Variants in XKR9 observed in about 807,000 individuals in gnomAD.
The protein encoded by XKR9 is XK-related protein 9.
XKR9 carries 32 observed loss-of-function variants against 32.0 expected under a neutral mutation model. The ratio of observed to expected loss-of-function variants is 1.00; its 90% CI spans 0.76 to 1.34. The LOEUF is 1.34. XKR9 is among the 40% of genes most tolerant of loss of function. XKR9 has a pLI of 0.00. For synonymous variants in XKR9, 168 were observed against 143.4 expected, an observed-to-expected ratio of 1.17 and a Z score of -1.22; for missense variants, 546 against 429.7, an observed-to-expected ratio of 1.27 and a Z score of -2.39.
the XKR9 span, among the ~76,000 whole-genome samples, chr8:70,935,208 TACAC>T: frequency 4.8e-5 from 7 of 145,478 alleles, no homozygotes; most frequent in East Asian, 2.0e-4. Flanking sequence ...TATACATATA[TACAC>T]ACACACACAC....
intron 2 of XKR9, among the ~76,000 whole-genome samples, chr8:70,747,543 A>G (rs993978374): frequency 5.3e-5 from 8 of 152,138 alleles, no homozygotes; most frequent in Non-Finnish European, 8.8e-5. Context: ...TGCTGCAGAG[A>G]GTTCCCACCA....
In XKR9 at chr8:70,734,265, C is replaced by T. The variant is rs1475186936; in HGVS notation, c.963C>T (p.Ile321=). 2.5e-6 allele frequency: 4 copies of T among 1,612,376 alleles called. No individual in the cohort carries two copies. The highest frequency in any genetic ancestry group is 3.4e-6 in the Non-Finnish European group (4 of 1,179,058). Residue 321 remains isoleucine (I), a synonymous_variant, in exon 5 of 5, where the codon ATC becomes ATT. Coordinates refer to ENST00000408926, the MANE Select transcript of XKR9 (RefSeq NM_001011720.2). ...TIFNPDYFIP[I]SITIVLTLLL... Reference sequence around the variant, plus strand: ...TTAATCCAGACTATTTTATACCTATCAGTATAACTATAGTTCTTACTCTTC... The same window carrying T: ...TTAATCCAGACTATTTTATACCTATTAGTATAACTATAGTTCTTACTCTTC...
the XKR9 span, among the ~76,000 whole-genome samples, chr8:70,958,280 GT>G: frequency 1.1e-4 from 17 of 152,252 alleles, 1 homozygote; most frequent in African/African-American, 3.9e-4. Flanking sequence ...TCACCACACT[GT>G]CTTCCACAAT....
intron 2 of XKR9, among the ~76,000 whole-genome samples, chr8:70,755,660 C>CA (rs1364100897): frequency 6.9e-6 from 1 of 144,344 alleles, no homozygotes; most frequent in East Asian, 2.1e-4. Context: ...ATCGGAAGGA[C>CA]AAAAAACCAA....
chr8:70,852,067 G>A, the XKR9 span, among the ~76,000 whole-genome samples: 1 of 152,050 alleles, frequency 6.6e-6, no homozygotes, highest in African/African-American at 2.4e-5. Flanking sequence ...AATCTACAAG[G>A]AACTTAAACA....
At chr8:71,021,852 A>T in the XKR9 span, among the ~76,000 whole-genome samples, 6 of 152,102 alleles carry the variant, frequency 3.9e-5, no homozygotes, top group Admixed American at 3.3e-4. Context: ...ATTCTGATTC[A>T]TCCATTTTTA....
At chr8:71,045,233 T>C in the XKR9 span, among the ~76,000 whole-genome samples, 1 of 152,222 alleles carries the variant, frequency 6.6e-6, no homozygotes, top group Non-Finnish European at 1.5e-5. Flanking sequence ...TCAAAATATA[T>C]ACTCTCTGAG....
the XKR9 span, among the ~76,000 whole-genome samples, chr8:71,008,899 G>A: frequency 1.2e-3 from 181 of 152,270 alleles, no homozygotes; most frequent in Non-Finnish European, 2.2e-3. Context: ...AAACTTCTGA[G>A]CTCAAGTGAG....
At chr8:70,834,924 T>A in the XKR9 span, among the ~76,000 whole-genome samples, 8 of 152,122 alleles carry the variant, frequency 5.3e-5, no homozygotes, top group Admixed American at 4.6e-4. Context: ...TCTCAAGTGC[T>A]ACCAGTGAAT....
At chr8:71,050,083 T>C in the XKR9 span, among the ~76,000 whole-genome samples, 1 of 151,984 alleles carries the variant, frequency 6.6e-6, no homozygotes, top group Admixed American at 6.6e-5. Context: ...ATGGCATCAT[T>C]GTTCTCTGGC....
the XKR9 span, among the ~76,000 whole-genome samples, chr8:70,838,784 C>T: frequency 2.0e-5 from 3 of 152,066 alleles, no homozygotes; most frequent in Non-Finnish European, 4.4e-5. Context: ...TTTTCTACTG[C>T]ACCGTGTTCA....
chr8:70,691,357 A>G (rs976226375), intron 3 of XKR9, among the ~76,000 whole-genome samples: 2 of 152,034 alleles, frequency 1.3e-5, no homozygotes, highest in African/African-American at 4.8e-5. Flanking sequence ...CCCATTTTGT[A>G]GGTTGTTTGT....
chr8:70,975,466 C>A, the XKR9 span, among the ~76,000 whole-genome samples: 1 of 152,162 alleles, frequency 6.6e-6, no homozygotes, highest in African/African-American at 2.4e-5. Flanking sequence ...AAATGGCTAG[C>A]CAGTTTTCCC....
chr8:71,055,687 T>G, the XKR9 span, among the ~76,000 whole-genome samples: 2 of 152,210 alleles, frequency 1.3e-5, no homozygotes, highest in African/African-American at 2.4e-5. Context: ...TTCACTGTTA[T>G]GAAACATCTT....
chr8:70,751,544 A>G (rs769866475), intron 2 of XKR9, among the ~76,000 whole-genome samples: 2 of 152,216 alleles, frequency 1.3e-5, no homozygotes, highest in Non-Finnish European at 2.9e-5. Flanking sequence ...CATTTGAATC[A>G]GTGGACTAAG....
chr8:70,726,199 T>C (rs1273816060), intron 4 of XKR9, among the ~76,000 whole-genome samples: 1 of 152,230 alleles, frequency 6.6e-6, no homozygotes. Context: ...ATTGATACTT[T>C]GTAAATACAT....
At chr8:70,998,372 T>A in the XKR9 span, among the ~76,000 whole-genome samples, 6 of 152,218 alleles carry the variant, frequency 3.9e-5, no homozygotes, top group Non-Finnish European at 8.8e-5. Context: ...TTAGCAGTAA[T>A]GAGTTCAACT....
At chr8:70,944,889 T>G in the XKR9 span, among the ~76,000 whole-genome samples, 236 of 152,342 alleles carry the variant, frequency 1.5e-3, 1 homozygote, top group African/African-American at 5.5e-3. Flanking sequence ...CAGTTGAGCT[T>G]GTCTTGTAGT....
chr8:70,743,288 TA>T (rs1355043126), intron 2 of XKR9, among the ~76,000 whole-genome samples: 4 of 152,332 alleles, frequency 2.6e-5, no homozygotes, highest in African/African-American at 9.6e-5. Context: ...TGTATTTTTA[TA>T]TATCATAAGC....
Sources: allele counts gnomAD v4.1 joint callset (sites outside exome capture counted in the v4.1 genomes callset), GRCh38; gene constraint gnomAD v4.1.1; transcripts MANE v1.5; gene names NCBI Gene and HGNC (gene_info 2026-07-23, HGNC 2026-07-21).